Variants in LRRC69 observed in about 807,000 individuals in gnomAD.
LRRC69 encodes the protein leucine-rich repeat-containing protein 69.
Under a neutral mutation model 37.8 loss-of-function variants are expected in LRRC69, and 42 were observed. That is an observed-to-expected ratio of 1.11 (90% CI 0.87 to 1.44). The LOEUF is 1.44. Ranked by LOEUF, LRRC69 falls within the 40% of genes most tolerant of loss-of-function variation. LRRC69 has a pLI of 0.00. For synonymous variants in LRRC69, 141 were observed against 143.1 expected (o/e 0.99, Z 0.11); for missense variants, 357 against 401.9 (o/e 0.89, Z 0.96).
intron 5 of LRRC69, among the ~76,000 whole-genome samples, chr8:91,148,315 G>A (rs966745444): frequency 6.6e-6 from 1 of 151,136 alleles, no homozygotes; most frequent in African/African-American, 2.4e-5. Context: ...TCCCACCTAT[G>A]AGTAAGAACA....
intron 5 of LRRC69, among the ~76,000 whole-genome samples, chr8:91,159,011 C>T (rs1171284069): frequency 6.6e-6 from 1 of 151,006 alleles, no homozygotes; most frequent in African/African-American, 2.4e-5. Context: ...AATCATATCA[C>T]CACTATTAGG....
chr8:91,204,276 A>G (rs911761525), intron 7 of LRRC69, among the ~76,000 whole-genome samples: 5 of 152,222 alleles, frequency 3.3e-5, no homozygotes, highest in African/African-American at 9.7e-5. Context: ...TTTCTCACAC[A>G]TAACAAAAAG....
At chr8:91,158,150 A>G in intron 5 of LRRC69, 1 of 1,603,076 alleles carries the variant, frequency 6.2e-7, no homozygotes, top group African/African-American at 1.3e-5. Flanking sequence ...TTACCTATGG[A>G]AAATCCCAGA....
chr8:91,109,515 T>C (rs949594614), intron 1 of LRRC69, among the ~76,000 whole-genome samples: 2 of 152,136 alleles, frequency 1.3e-5, no homozygotes, highest in Non-Finnish European at 2.9e-5. Context: ...TAATTGAATG[T>C]TAAAATTTTA....
chr8:91,210,215 C>T (rs932866018), intron 7 of LRRC69, among the ~76,000 whole-genome samples: 6 of 152,064 alleles, frequency 3.9e-5, no homozygotes, highest in Non-Finnish European at 7.4e-5. Context: ...TAAGACTAAG[C>T]AAAGTTAAGT....
chr8:91,115,712 A>G (rs1246503246), intron 1 of LRRC69, among the ~76,000 whole-genome samples: 2 of 151,866 alleles, frequency 1.3e-5, no homozygotes, highest in Non-Finnish European at 2.9e-5. Context: ...TTTGTAAATC[A>G]AAGCGATTTT....
intron 5 of LRRC69, among the ~76,000 whole-genome samples, chr8:91,148,131 TG>T (rs1169441740): frequency 4.6e-5 from 7 of 151,870 alleles, no homozygotes; most frequent in African/African-American, 1.4e-4. Context: ...GTACACAACG[TG>T]CAGGTTAGTT....
At chr8:91,120,946 G>C (rs532316925) in intron 1 of LRRC69, among the ~76,000 whole-genome samples, 2 of 151,988 alleles carry the variant, frequency 1.3e-5, no homozygotes, top group South Asian at 2.1e-4. Context: ...GATCTAAAAG[G>C]CTTCTTAATT....
chr8:91,168,868 G>A (rs1209762733), intron 5 of LRRC69, among the ~76,000 whole-genome samples: 1 of 151,746 alleles, frequency 6.6e-6, no homozygotes, highest in Non-Finnish European at 1.5e-5. Context: ...ATATCATAAT[G>A]ACTCAAGTAA....
intron 6 of LRRC69, among the ~76,000 whole-genome samples, chr8:91,190,264 CTTTG>C (rs947595526): frequency 2.7e-5 from 4 of 149,584 alleles, no homozygotes; most frequent in African/African-American, 9.9e-5. Flanking sequence ...CAGTGGCTTA[CTTTG>C]TTTTTTTTTT....
At chr8:91,200,529 C>A in intron 6 of LRRC69, 84 bp from the exon 7 acceptor site, 2 of 871,830 alleles carry the variant, frequency 2.3e-6, no homozygotes, top group Non-Finnish European at 3.3e-6. Flanking sequence ...AAGCCATACA[C>A]TTTATCTAAT....
chr8:91,196,852 G>A (rs1056299652), intron 6 of LRRC69, among the ~76,000 whole-genome samples: 2 of 152,156 alleles, frequency 1.3e-5, no homozygotes, highest in African/African-American at 4.8e-5. Context: ...TGTCAAAGTT[G>A]TTCTCCGTCC....
At chr8:91,135,571 A>G in intron 4 of LRRC69, 97 bp from the exon 5 acceptor site, 1 of 715,346 alleles carries the variant, frequency 1.4e-6, no homozygotes, top group South Asian at 2.0e-5. Flanking sequence ...AAAGATGGCC[A>G]CCTTCATCAT....
At chr8:91,197,426 GCGCCCCTCCCCCAGC>G (rs1367337919) in intron 6 of LRRC69, among the ~76,000 whole-genome samples, 1 of 152,144 alleles carries the variant, frequency 6.6e-6, no homozygotes, top group African/African-American at 2.4e-5. Flanking sequence ...CCAATGGCGG[GCGCCCCTCCCCCAGC>G]CTCGCTGCCG....
intron 5 of LRRC69, among the ~76,000 whole-genome samples, chr8:91,142,431 A>G (rs1055113651): frequency 1.6e-4 from 24 of 152,072 alleles, no homozygotes; most frequent in African/African-American, 5.5e-4. Context: ...AAGTTATCAA[A>G]TCTATTTGTT....
chr8:91,115,679 A>G (rs919623171), intron 1 of LRRC69, among the ~76,000 whole-genome samples: 1 of 151,882 alleles, frequency 6.6e-6, no homozygotes, highest in African/African-American at 2.4e-5. Context: ...CTTAGTTTCT[A>G]TCAGATATCT....
intron 7 of LRRC69, among the ~76,000 whole-genome samples, chr8:91,210,083 C>T (rs1008415109): frequency 1.2e-4 from 19 of 152,244 alleles, no homozygotes; most frequent in African/African-American, 3.9e-4. Flanking sequence ...GAACCAACAA[C>T]GACTTTGGTG....
chr8:91,203,148 A>G (rs913043940), intron 7 of LRRC69, among the ~76,000 whole-genome samples: 1 of 152,082 alleles, frequency 6.6e-6, no homozygotes, highest in East Asian at 1.9e-4. Context: ...CCTGGAAGCT[A>G]TAGACTCCTA....
intron 1 of LRRC69, among the ~76,000 whole-genome samples, chr8:91,107,749 T>A (rs1395898199): frequency 6.6e-6 from 1 of 152,014 alleles, no homozygotes; most frequent in East Asian, 1.9e-4. Flanking sequence ...CTCTGGAAAA[T>A]TTCAGTCACT....
Sources: allele counts gnomAD v4.1 joint callset (sites outside exome capture counted in the v4.1 genomes callset), GRCh38; gene constraint gnomAD v4.1.1; transcripts MANE v1.5; gene names NCBI Gene and HGNC (gene_info 2026-07-23, HGNC 2026-07-21).